The following USP54 variants were observed in gnomAD, a reference collection of about 807,000 sequenced individuals.
USP54 encodes ubiquitin carboxyl-terminal hydrolase 54.
In USP54, 87 loss-of-function variants were observed where a neutral mutation model predicts 170.5. The observed-to-expected ratio is 0.51, with a 90% CI of 0.43 to 0.61. The LOEUF (loss-of-function observed/expected upper bound fraction) is 0.61, where lower values mean the gene tolerates loss of function less well. Among genes scored for constraint, USP54 ranks in the 20% least tolerant of loss-of-function variants. The pLI is 0.00. For synonymous variants in USP54, 655 were observed against 742.8 expected, an observed-to-expected ratio of 0.88 and a Z score of 1.92; for missense variants, 1,786 against 2,047.8, an observed-to-expected ratio of 0.87 and a Z score of 2.47.
intron 1 of USP54, among the ~76,000 whole-genome samples, chr10:73,586,524 T>C (rs990564837): frequency 6.6e-6 from 1 of 152,212 alleles, no homozygotes; most frequent in Middle Eastern, 3.2e-3. Flanking sequence ...TTGAATATAA[T>C]AGGCATTGAA....
At chr10:73,587,617 G>A in intron 1 of USP54, among the ~76,000 whole-genome samples, 1 of 152,134 alleles carries the variant, frequency 6.6e-6, no homozygotes, top group East Asian at 1.9e-4. Context: ...CAGAGTTAGT[G>A]GAATAGAACA....
At chr10:73,536,688 T>C (rs553005296) in intron 10 of USP54, among the ~76,000 whole-genome samples, 1 of 152,352 alleles carries the variant, frequency 6.6e-6, no homozygotes, top group South Asian at 2.1e-4. Flanking sequence ...ATTTTATTTC[T>C]GTGAACCATC....
intron 1 of USP54, among the ~76,000 whole-genome samples, chr10:73,581,135 A>G (rs2076853119): frequency 6.6e-6 from 1 of 152,240 alleles, no homozygotes; most frequent in Non-Finnish European, 1.5e-5. Context: ...CCATAAAGAA[A>G]TAAAAAATTG....
chr10:73,573,744 G>A (rs1009203182), intron 3 of USP54, among the ~76,000 whole-genome samples: 3 of 152,152 alleles, frequency 2.0e-5, no homozygotes, highest in Non-Finnish European at 2.9e-5. Flanking sequence ...CAGCCTGGGC[G>A]ACAGAGTGAG....
At position 73,517,369 on chromosome 10, in the gene USP54, G is replaced by C; in HGVS notation, c.3057C>G (p.Gly1019=). Residue 1019 remains glycine, a synonymous_variant, in exon 20 of 24, where the codon GGC becomes GGG. Transcript: ENST00000687698. The part of the protein sequence containing the change: ...CSKLPPQEGR[G]IAQEQLFQEK... ...CTTGGAACAGCTGTTCTTGAGCAAT[G>C]CCTCTTCCTTCTTGTGGAGGGAGCT... is the stretch of plus-strand genomic sequence containing the variant. 6.2e-7 allele frequency: 1 copy of C among 1,613,402 alleles called. No individual in the cohort carries two copies. The highest frequency in any genetic ancestry group is 8.5e-7 in the Non-Finnish European group (1 of 1,179,640).
intron 21 of USP54, 55 bp from the exon 22 acceptor site, chr10:73,505,045 C>T: frequency 2.5e-6 from 4 of 1,608,044 alleles, no homozygotes; most frequent in Non-Finnish European, 3.4e-6. Flanking sequence ...TTATGGTTTT[C>T]CCACAGACAG....
upstream of USP54, among the ~76,000 whole-genome samples, chr10:73,595,921 C>T (rs2078689029): frequency 6.6e-6 from 1 of 151,812 alleles, no homozygotes. Flanking sequence ...ACCAGCCTGG[C>T]CAACATGGTG....
chr10:73,517,256 G>A lies in USP54; in HGVS notation c.3170C>T (p.Pro1057Leu). The change falls in exon 20 of 24, where the codon CCT becomes CTT. Residue 1057 changes from proline (P) to leucine (L), a missense_variant. Physicochemically the swap from Pro to Leu is moderately conservative, Grantham distance 98. Around this residue, in one of 3 missense-constraint regions of USP54, gnomAD observed 1,418 missense variants for 1,569.0 expected, o/e 0.90. Transcript: ENST00000687698. Reference sequence around the variant, plus strand: ...GCTGGGCTGAGCTGATGAATTTGAAGGACTACAGCCTAGGCTGTGTTCATC... The same window carrying A: ...GCTGGGCTGAGCTGATGAATTTGAAAGACTACAGCCTAGGCTGTGTTCATC... ...RGDEHSLGCS[P>L]SNSSAQPSLP... The A allele has an allele frequency of 6.2e-7, 1 of 1,614,132 alleles. No individual in the cohort carries two copies. Among genetic ancestry groups the A allele is most frequent in the South Asian group, 1.1e-5 (1 of 91,080 alleles).
chr10:73,563,342 A>G (rs939197767), intron 4 of USP54, among the ~76,000 whole-genome samples: 1 of 152,044 alleles, frequency 6.6e-6, no homozygotes, highest in African/African-American at 2.4e-5. Flanking sequence ...GGGGGCAAGC[A>G]TTTTTCATAT....
chr10:73,600,105 T>C (rs1329105931), intron 1 of USP54, among the ~76,000 whole-genome samples: 1 of 151,976 alleles, frequency 6.6e-6, no homozygotes, highest in African/African-American at 2.4e-5. Context: ...TTCTCCATGT[T>C]TGTCAGGCTG....
intron 1 of USP54, among the ~76,000 whole-genome samples, chr10:73,608,921 T>G (rs950753694): frequency 6.6e-6 from 1 of 151,998 alleles, no homozygotes; most frequent in Non-Finnish European, 1.5e-5. Flanking sequence ...TAAGTAAAAT[T>G]TATATGGAAA....
intron 6 of USP54, 57 bp downstream of exon 6, chr10:73,542,961 T>C (rs576574586): frequency 4.8e-5 from 77 of 1,608,934 alleles, no homozygotes; most frequent in Admixed American, 3.3e-4. Context: ...ACACCCCACA[T>C]CCCAGGATAA....
intron 23 of USP54, chr10:73,499,935 G>C (rs191998263): frequency 1.3e-5 from 2 of 152,294 alleles, no homozygotes. Flanking sequence ...CAGTATGTTT[G>C]GCCTAAAATA....
In USP54 at chr10:73,516,464, G is replaced by A; in HGVS notation, c.3962C>T (p.Ser1321Phe). The A allele has an allele frequency of 6.2e-7, 1 of 1,614,090 alleles. No individual in the cohort carries two copies. Among genetic ancestry groups the A allele is most frequent in the East Asian group, 2.2e-5 (1 of 44,876 alleles). ...AGCCTGAAGACTGGCCTGATACAGAGACTCCAATTCTGAGGTCTCCTGCTC... is the reference window on the plus strand; with the variant it reads ...AGCCTGAAGACTGGCCTGATACAGAAACTCCAATTCTGAGGTCTCCTGCTC... ...DTEQETSELE[S>F]LYQASLQASQ... The change falls in exon 20 of 24, where the codon TCT (serine) becomes TTT (phenylalanine). Residue 1321 changes from serine to phenylalanine, a missense_variant. By Grantham distance (155) the Ser-to-Phe change is radical. Around this residue, in one of 3 missense-constraint regions of USP54, gnomAD observed 1,418 missense variants for 1,569.0 expected, o/e 0.90. Coordinates refer to ENST00000687698, the MANE Select transcript of USP54 (RefSeq NM_001391956.1).
intron 3 of USP54, among the ~76,000 whole-genome samples, chr10:73,573,126 A>C (rs1477131202): frequency 2.0e-5 from 3 of 151,922 alleles, no homozygotes; most frequent in Admixed American, 2.0e-4. Flanking sequence ...CTCCACAAAC[A>C]ATTAAAAAAA....
At chr10:73,580,613 C>A (rs1047208186) in intron 1 of USP54, among the ~76,000 whole-genome samples, 1 of 151,990 alleles carries the variant, frequency 6.6e-6, no homozygotes, top group African/African-American at 2.4e-5. Flanking sequence ...GCTCTTCTTG[C>A]CCAGGCTGGA....
chr10:73,602,103 T>G (rs1252049584), intron 1 of USP54, among the ~76,000 whole-genome samples: 3 of 152,226 alleles, frequency 2.0e-5, no homozygotes, highest in Non-Finnish European at 4.4e-5. Context: ...GGCAGCTAAA[T>G]GTACTGTATG....
intron 20 of USP54, among the ~76,000 whole-genome samples, chr10:73,515,366 G>A (rs1437052081): frequency 6.6e-6 from 1 of 152,204 alleles, no homozygotes; most frequent in East Asian, 1.9e-4. Flanking sequence ...TATACTGAGA[G>A]TTAATGTTGG....
intron 1 of USP54, among the ~76,000 whole-genome samples, chr10:73,607,437 T>C (rs905206714): frequency 6.6e-6 from 1 of 152,008 alleles, no homozygotes; most frequent in Non-Finnish European, 1.5e-5. Flanking sequence ...TTATTTGTCA[T>C]ATTCTATACA....
Sources: allele counts gnomAD v4.1 joint callset (sites outside exome capture counted in the v4.1 genomes callset), GRCh38; gene constraint gnomAD v4.1.1; regional missense constraint gnomAD v4.1.1; transcripts MANE v1.5; gene names NCBI Gene and HGNC (gene_info 2026-07-23, HGNC 2026-07-21).